The following NBPF19 variants were observed in gnomAD, a reference collection of about 807,000 sequenced individuals.
The protein encoded by NBPF19 is NBPF family member NBPF19.
NBPF19 carries 30 observed loss-of-function variants against 45.9 expected under a neutral mutation model. The observed-to-expected ratio is 0.65, with a 90% CI of 0.49 to 0.89. NBPF19 has a LOEUF of 0.89. Ranked by LOEUF, NBPF19 falls within the 40% of genes least tolerant of loss-of-function variation. The pLI, the probability that NBPF19 is intolerant of heterozygous loss-of-function variation, is 0.00. For synonymous variants in NBPF19, 183 were observed against 181.2 expected, an observed-to-expected ratio of 1.01 and a Z score of -0.08; for missense variants, 495 against 471.8, an observed-to-expected ratio of 1.05 and a Z score of -0.46.
intron 73 of NBPF19, among the ~76,000 whole-genome samples, chr1:149,538,467 G>T (rs2087046888): frequency 2.9e-5 from 1 of 34,258 alleles, no homozygotes; most frequent in African/African-American, 8.0e-5. Context: ...GTGTGTGTGT[G>T]TGTGTGTGTG....
chr1:149,516,327 GTCTCTGTCTCTC>G (rs1282229345), intron 45 of NBPF19, among the ~76,000 whole-genome samples: 2 of 112,712 alleles, frequency 1.8e-5, no homozygotes, highest in South Asian at 3.0e-4. Context: ...CTCTGTCTCT[GTCTCTGTCTCTC>G]TCTCTGTCTC....
rs1187854224 is a variant in NBPF19, at chr1:149,554,504, C to T, written c.11298C>T (p.Ser3766=). Residue 3766 remains serine (S), a synonymous_variant, in exon 94 of 94, where the codon AGC becomes AGT. Transcript: ENST00000651566. ...TTGTCTCCTTTTCCAGGCTCAACAG[C>T]GTGCTGATGGAAGTGGAAGAGCCTG... ...DQNPPCPRLN[S]VLMEVEEPEV... 4.3e-5 allele frequency: 69 copies of T among 1,608,056 alleles called. No individual in the cohort carries two copies. The highest frequency in any genetic ancestry group is 2.4e-4 in the African/African-American group (18 of 74,700).
Position 149,555,108 on chromosome 1 carries a change from A to G in NBPF19, c.*370A>G. On this transcript the variant is annotated 3_prime_UTR_variant, in exon 94 of 94. Coordinates refer to ENST00000651566, the MANE Select transcript of NBPF19 (RefSeq NM_001351365.2). Reference sequence around the variant, plus strand: ...GTCATCTTTGTGTTTAGCTCATCCAAAGGTGTTACCCTGGTTTCAATGAAC... The same window carrying G: ...GTCATCTTTGTGTTTAGCTCATCCAGAGGTGTTACCCTGGTTTCAATGAAC... 1 of 320,806 alleles carries G rather than the reference A, an allele frequency of 3.1e-6. No homozygotes were observed. Among genetic ancestry groups the G allele is most frequent in the Non-Finnish European group, 5.9e-6 (1 of 169,018 alleles). The allele number at this position is 320,806 out of a possible 1,614,324, so 19.9% of individuals were successfully genotyped here. A position where few individuals can be genotyped will look rare whatever the true frequency, so the allele number is the denominator to read the frequency against.
In NBPF19 at chr1:149,481,781, ATCTATCAG is replaced by A. The variant is rs1234908934; in HGVS notation, c.773-391_773-384del. On this transcript the variant is annotated intron_variant, in intron 6 of 93. Transcript: ENST00000651566. The stretch of plus-strand genomic sequence containing the variant: ...TTTAAAGCAAGAGTTGTTAAAATTT[ATCTATCAG>A]TCGTGTTTCATGTATAGATGCCTCT... Among the ~76,000 whole-genome samples, 238 of 148,292 alleles carry A rather than the reference ATCTATCAG, an allele frequency of 1.6e-3. 6 individuals carry two copies. Among genetic ancestry groups the A allele is most frequent in the Middle Eastern group, 0.011 (3 of 284 alleles).
rs1182494679 is a variant in NBPF19 at position 149,478,702 on chromosome 1, G to C, written c.279-178G>C. ...TTGCAGGAGCCCTCTCTGATAGAGG[G>C]AAAGCCTGTAGACCATTTTCTATTC... is the stretch of plus-strand genomic sequence containing the variant. On this transcript the variant is annotated intron_variant, in intron 3 of 93. Transcript: ENST00000651566. Among the ~76,000 whole-genome samples, 2 of 150,742 alleles carry C rather than the reference G, an allele frequency of 1.3e-5. 1 individual carries two copies. The highest frequency in any genetic ancestry group is 3.0e-5 in the Non-Finnish European group (2 of 67,486).
At chr1:149,478,794 C>G (rs2084999715) in intron 3 of NBPF19, 86 bp from the exon 4 acceptor site, 1 of 1,321,988 alleles carries the variant, frequency 7.6e-7, no homozygotes, top group Middle Eastern at 2.6e-4. Flanking sequence ...TCCTTGAGGA[C>G]ATTGTCTCAG....
intron 8 of NBPF19, among the ~76,000 whole-genome samples, chr1:149,486,627 A>T (rs2085521684): frequency 6.6e-6 from 1 of 151,332 alleles, no homozygotes; most frequent in Non-Finnish European, 1.5e-5. Flanking sequence ...CATCTGAATT[A>T]AATGTCTTTT....
In NBPF19 at chr1:149,554,999, C is replaced by T. The variant is rs1405966989; in HGVS notation, c.*261C>T. 5.0e-5 allele frequency: 31 copies of T among 620,418 alleles called. No individual in the cohort carries two copies. The highest frequency in any genetic ancestry group is 4.9e-4 in the East Asian group (15 of 30,656). 38.4% of individuals were successfully genotyped at this position (620,418 alleles called of 1,614,324 possible). A position where few individuals can be genotyped will look rare whatever the true frequency, so the allele number is the denominator to read the frequency against. On this transcript the variant is annotated 3_prime_UTR_variant, in exon 94 of 94. Transcript: ENST00000651566. ...CAGTCGGACATTTTAATTTGAACCA[C>T]GTATCTTTGGGTAGCTACAAAATTC... is the stretch of plus-strand genomic sequence containing the variant.
intron 61 of NBPF19, among the ~76,000 whole-genome samples, chr1:149,528,956 T>TGTCTGTGC (rs2086916453): frequency 7.6e-6 from 1 of 131,134 alleles, no homozygotes; most frequent in African/African-American, 3.1e-5. Flanking sequence ...TGTGTGTGTG[T>TGTCTGTGC]GTGTGTGTGT....
chr1:149,490,904 G>C (rs1392159813), intron 13 of NBPF19, among the ~76,000 whole-genome samples: 5 of 131,668 alleles, frequency 3.8e-5, no homozygotes, highest in Admixed American at 3.1e-4. Flanking sequence ...CTCTCTGTGT[G>C]TGTGTGTGTG....
chr1:149,556,241 A>C lies in NBPF19; in HGVS notation c.*1503A>C, dbSNP rs1448077861. On this transcript the variant is annotated 3_prime_UTR_variant, in exon 94 of 94. Coordinates refer to ENST00000651566, the MANE Select transcript of NBPF19 (RefSeq NM_001351365.2). ...AGTTAATTTTAATCTATACAATTAA[A>C]ACCTTTTGCCTATCACTCTGGACTT... 5 of 147,614 alleles carry C rather than the reference A, an allele frequency of 3.4e-5. No individual in the cohort carries two copies. The highest frequency in any genetic ancestry group is 7.5e-5 in the Non-Finnish European group (5 of 66,454). 9.1% of individuals were successfully genotyped at this position (147,614 alleles called of 1,614,324 possible). A position where few individuals can be genotyped will look rare whatever the true frequency, so the allele number is the denominator to read the frequency against.
At chr1:149,477,185 T>C (rs1329901437) in intron 2 of NBPF19, among the ~76,000 whole-genome samples, 1 of 150,122 alleles carries the variant, frequency 6.7e-6, no homozygotes, top group Non-Finnish European at 1.5e-5. Context: ...GGTACTACAA[T>C]AATACCTACC....
chr1:149,487,924 T>C lies in NBPF19; in HGVS notation c.1041-89T>C, dbSNP rs2085708267. On this transcript the variant is annotated intron_variant, in intron 9 of 93. Transcript: ENST00000651566. The stretch of plus-strand genomic sequence containing the variant: ...GGATCTCTCCTTTTTCTTTTCAAAC[T>C]CTTCCTTATGTTAGCCATGAAATCT... 13 of 734,176 alleles carry C rather than the reference T, an allele frequency of 1.8e-5. No homozygotes were observed. In the Admixed American group the frequency reaches 2.4e-4, roughly 13 times the overall value. 45.5% of individuals were successfully genotyped at this position (734,176 alleles called of 1,614,324 possible). A position where few individuals can be genotyped will look rare whatever the true frequency, so the allele number is the denominator to read the frequency against.
intron 61 of NBPF19, among the ~76,000 whole-genome samples, 191 bp from the exon 62 acceptor site, chr1:149,528,983 G>C (rs1407126245): frequency 1.5e-5 from 2 of 130,666 alleles, no homozygotes; most frequent in South Asian, 2.6e-4. Flanking sequence ...GTGTCTATCT[G>C]TCTTTCTCTT....
intron 9 of NBPF19, among the ~76,000 whole-genome samples, chr1:149,487,801 G>GTC (rs2085681292): frequency 1.0e-4 from 15 of 149,006 alleles, no homozygotes; most frequent in African/African-American, 3.7e-4. Flanking sequence ...GTGTGTGTGT[G>GTC]TGTGTGTGTG....
In NBPF19 at chr1:149,488,137, T is replaced by A; in HGVS notation, c.1165T>A (p.Phe389Ile). The stretch of plus-strand genomic sequence containing the variant: ...CTCATGCCAGCCCTACAGAAGTGCC[T>A]TTTACGTATTGGAGCAACAGCGTGT... ...TDSCQPYRSA[F>I]YVLEQQRVGL... The change falls in exon 10 of 94, where the codon TTT becomes ATT. Residue 389 changes from phenylalanine to isoleucine, a missense_variant. Physicochemically the swap from Phe to Ile is conservative, Grantham distance 21. Around this residue, in one of 8 missense-constraint regions of NBPF19, gnomAD observed 146 missense variants for 67.3 expected, o/e 2.17. Coordinates refer to ENST00000651566, the MANE Select transcript of NBPF19 (RefSeq NM_001351365.2). The A allele has an allele frequency of 2.9e-6, 2 of 678,024 alleles. No individual in the cohort carries two copies. The highest frequency in any genetic ancestry group is 5.3e-6 in the Non-Finnish European group (2 of 375,962). 42.0% of individuals were successfully genotyped at this position (678,024 alleles called of 1,614,324 possible). A position where few individuals can be genotyped will look rare whatever the true frequency, so the allele number is the denominator to read the frequency against.
rs1414508725 is a variant in NBPF19 at position 149,488,146 on chromosome 1, T to C, written c.1174T>C (p.Leu392=). ...GCCCTACAGAAGTGCCTTTTACGTA[T>C]TGGAGCAACAGCGTGTTGGCTTGGC... The part of the protein sequence containing the change: ...CQPYRSAFYV[L]EQQRVGLAID... Residue 392 remains leucine, a synonymous_variant, in exon 10 of 94, where the codon TTG becomes CTG. Transcript: ENST00000651566. 2 of 682,050 alleles carry C rather than the reference T, an allele frequency of 2.9e-6. No individual in the cohort carries two copies. Among genetic ancestry groups the C allele is most frequent in the African/African-American group, 1.9e-5 (1 of 52,564 alleles). The allele number at this position is 682,050 out of a possible 1,614,324, so 42.2% of individuals were successfully genotyped here.
rs1183033782 is a variant in NBPF19 at position 149,494,147 on chromosome 1, C to T, written c.1998-171C>T. 3.1e-3 allele frequency among the ~76,000 whole-genome samples: 380 copies of T among 124,050 alleles called. 2 individuals carry two copies. The highest frequency in any genetic ancestry group is 0.012 in the East Asian group (39 of 3,370). The allele number at this position is 124,050 out of a possible 152,430, so 81.4% of individuals were successfully genotyped here. ...CTCCCTGTCTTTCTCTTTCATTCTT[C>T]TCTACCTGGCCCTGGTCTATCCCAA... On this transcript the variant is annotated intron_variant, in intron 17 of 93. Coordinates refer to ENST00000651566, the MANE Select transcript of NBPF19 (RefSeq NM_001351365.2).
Position 149,554,753 on chromosome 1 carries a change from G to A in NBPF19, c.*15G>A. On this transcript the variant is annotated 3_prime_UTR_variant, in exon 94 of 94. Coordinates refer to ENST00000651566, the MANE Select transcript of NBPF19 (RefSeq NM_001351365.2). ...TCCCACAATAGGCAGCCCTTACTAA[G>A]CCGAGAGATGTCATTCCTGCAGGCA... 1.2e-6 allele frequency: 2 copies of A among 1,607,792 alleles called. No homozygotes were observed. The highest frequency in any genetic ancestry group is 2.2e-5 in the East Asian group (1 of 44,834).
Sources: allele counts gnomAD v4.1 joint callset (sites outside exome capture counted in the v4.1 genomes callset), GRCh38; gene constraint gnomAD v4.1.1; regional missense constraint gnomAD v4.1.1; transcripts MANE v1.5; gene names NCBI Gene and HGNC (gene_info 2026-07-23, HGNC 2026-07-21).